The following FRMPD4 variants were observed in gnomAD, a reference collection of about 807,000 sequenced individuals.
FRMPD4 encodes the protein FERM and PDZ domain containing 4, also known as FERM and PDZ domain-containing protein 4.
A neutral mutation model predicts 94.1 loss-of-function variants in FRMPD4; 22 were observed. That is an observed-to-expected ratio of 0.23 (90% confidence interval 0.17 to 0.33). FRMPD4 has a LOEUF of 0.33. Ranked by LOEUF, FRMPD4 falls within the 10% of genes least tolerant of loss-of-function variation. The pLI is 1.00. For missense variants in FRMPD4, 1,111 were observed against 1,339.9 expected (o/e 0.83, Z 2.67); for synonymous variants, 631 against 548.6 (o/e 1.15, Z -2.10).
At chrX:12,695,734 T>C (rs1380591773) in intron 9 of FRMPD4, among the ~76,000 whole-genome samples, 2 of 109,984 alleles carry the variant, frequency 1.8e-5, no homozygotes, top group African/African-American at 6.7e-5. Context: ...CATCAAACTC[T>C]CACCCACTAG....
intron 1 of FRMPD4, among the ~76,000 whole-genome samples, chrX:12,441,557 G>A (rs764123335): frequency 2.1e-4 from 24 of 111,701 alleles, no homozygotes; most frequent in African/African-American, 7.5e-4. Flanking sequence ...AAAATGATAG[G>A]CAGCTGGGGC....
chrX:12,657,190 G>A (rs1326943550), intron 4 of FRMPD4, among the ~76,000 whole-genome samples: 1 of 111,954 alleles, frequency 8.9e-6, no homozygotes, highest in Admixed American at 9.5e-5. Context: ...TTAGCTGGGT[G>A]CCTCTGGCTC....
At chrX:12,033,369 C>G (rs2054702795) in intron 3 of FRMPD4, among the ~76,000 whole-genome samples, 1 of 110,896 alleles carries the variant, frequency 9.0e-6, no homozygotes, top group African/African-American at 3.3e-5. Context: ...AAGTTGCGGT[C>G]CAAGGAGAAT....
intron 1 of FRMPD4, among the ~76,000 whole-genome samples, chrX:12,299,451 A>C: frequency 9.0e-6 from 1 of 111,208 alleles, no homozygotes; most frequent in East Asian, 2.8e-4. Context: ...CCCTAGTTTC[A>C]TAAGAATTTC....
At chrX:12,573,013 G>A (rs1314076562) in intron 2 of FRMPD4, among the ~76,000 whole-genome samples, 3 of 112,370 alleles carry the variant, frequency 2.7e-5, no homozygotes, top group Admixed American at 1.9e-4. Context: ...CTTTATAGAT[G>A]TAATTTTTTA....
intron 3 of FRMPD4, among the ~76,000 whole-genome samples, chrX:12,105,976 A>T (rs1461578486): frequency 8.9e-6 from 1 of 112,151 alleles, no homozygotes; most frequent in Non-Finnish European, 1.9e-5. Context: ...CTTCTCTGAG[A>T]GCTACACCCT....
At chrX:12,559,713 T>G (rs1296284319) in intron 2 of FRMPD4, among the ~76,000 whole-genome samples, 1 of 109,877 alleles carries the variant, frequency 9.1e-6, no homozygotes, top group African/African-American at 3.3e-5. Flanking sequence ...TAAATAAATA[T>G]TAACATAATA....
At chrX:12,591,249 T>C (rs893304462) in intron 2 of FRMPD4, among the ~76,000 whole-genome samples, 1 of 112,348 alleles carries the variant, frequency 8.9e-6, no homozygotes, top group African/African-American at 3.2e-5. Flanking sequence ...AGAGAAAATG[T>C]TATTAAGAAA....
rs1278458346 is a variant in FRMPD4 at position 12,632,348 on chromosome X, G to A, written c.422+17467G>A. 4.5e-5 allele frequency among the ~76,000 whole-genome samples: 5 copies of A among 111,653 alleles called. No individual in the cohort carries two copies. The Admixed American group carries it at 4.7e-4, about 11-fold the overall frequency. On this transcript the variant is annotated intron_variant, in intron 4 of 16. Transcript: ENST00000675598. ...ATTCTGTGAGAGACCATTCTTCATT[G>A]TACAAGTCTGTCCTTCAATGGAAGG...
intron 2 of FRMPD4, among the ~76,000 whole-genome samples, chrX:12,582,376 T>G (rs973657186): frequency 1.8e-5 from 2 of 112,153 alleles, no homozygotes; most frequent in African/African-American, 3.2e-5. Flanking sequence ...TTAAAAACTT[T>G]CATGGCTTCC....
At chrX:12,074,445 C>G (rs901628009) in intron 3 of FRMPD4, among the ~76,000 whole-genome samples, 5 of 111,097 alleles carry the variant, frequency 4.5e-5, no homozygotes, top group Non-Finnish European at 9.4e-5. Flanking sequence ...GATGCAAATG[C>G]CTGATACCTG....
At chrX:12,190,694 TAAAA>T (rs35306041) in intron 1 of FRMPD4, among the ~76,000 whole-genome samples, 1 of 86,993 alleles carries the variant, frequency 1.1e-5, no homozygotes, top group East Asian at 3.7e-4. Flanking sequence ...ACATCCACAT[TAAAA>T]AAAAAAAAAA....
chrX:12,652,277 T>G (rs970239355), intron 4 of FRMPD4, among the ~76,000 whole-genome samples: 2 of 112,566 alleles, frequency 1.8e-5, no homozygotes, highest in South Asian at 3.7e-4. Context: ...TGCTATTAGA[T>G]AGGGCTGTAT....
intron 1 of FRMPD4, among the ~76,000 whole-genome samples, chrX:12,177,417 T>C (rs1197452078): frequency 1.8e-5 from 2 of 112,588 alleles, no homozygotes; most frequent in Non-Finnish European, 3.8e-5. Flanking sequence ...TAATTCTAGT[T>C]TTCAGGATGC....
intron 1 of FRMPD4, among the ~76,000 whole-genome samples, chrX:12,258,016 T>C (rs1300128941): frequency 9.0e-6 from 1 of 110,525 alleles, no homozygotes. Context: ...ATCCTGAAGG[T>C]ACTCTTCCTT....
At chrX:12,444,729 T>C (rs1447040579) in intron 1 of FRMPD4, among the ~76,000 whole-genome samples, 1 of 111,177 alleles carries the variant, frequency 9.0e-6, no homozygotes, top group Non-Finnish European at 1.9e-5. Context: ...AGAAGAGCAA[T>C]AGAGTGCAAG....
intron 3 of FRMPD4, among the ~76,000 whole-genome samples, chrX:11,924,671 G>A (rs917636340): frequency 5.4e-5 from 6 of 111,926 alleles, no homozygotes; most frequent in South Asian, 7.4e-4. Flanking sequence ...CTTCATAAGC[G>A]AAGGAGGAAT....
chrX:12,104,166 G>A (rs1263211098), intron 3 of FRMPD4, among the ~76,000 whole-genome samples: 2 of 112,548 alleles, frequency 1.8e-5, no homozygotes, highest in African/African-American at 6.4e-5. Context: ...TAATTCATTT[G>A]TGAGGGCAGA....
intron 2 of FRMPD4, among the ~76,000 whole-genome samples, chrX:12,601,644 G>A (rs927960225): frequency 1.8e-5 from 2 of 111,796 alleles, no homozygotes; most frequent in African/African-American, 6.5e-5. Flanking sequence ...ATTCCTGCTG[G>A]TTGGCAATTC....
Sources: allele counts gnomAD v4.1 joint callset (sites outside exome capture counted in the v4.1 genomes callset), GRCh38; gene constraint gnomAD v4.1.1; transcripts MANE v1.5; gene names NCBI Gene and HGNC (gene_info 2026-07-23, HGNC 2026-07-21).